The following ZFP28 variants were observed in gnomAD, a reference collection of about 807,000 sequenced individuals.
ZFP28 encodes ZFP28 zinc finger protein.
ZFP28 carries 31 observed loss-of-function variants against 39.5 expected under a neutral mutation model. That is an observed-to-expected ratio of 0.79 (90% CI 0.59 to 1.06). The LOEUF (loss-of-function observed/expected upper bound fraction) is 1.06, where lower values mean the gene tolerates loss of function less well. ZFP28 is among the 50% of genes least tolerant of loss of function. ZFP28 has a pLI of 0.00. For missense variants in ZFP28, 925 were observed against 1,048.4 expected, an observed-to-expected ratio of 0.88 and a Z score of 1.63; for synonymous variants, 400 against 378.6, an observed-to-expected ratio of 1.06 and a Z score of -0.66.
intron 7 of ZFP28, chr19:56,551,468 T>C: frequency 1.0e-6 from 1 of 985,314 alleles, no homozygotes; most frequent in Non-Finnish European, 1.2e-6. Flanking sequence ...CCACGTTGTA[T>C]ATACCATTGC....
chr19:56,551,853 T>C (rs918555803), intron 7 of ZFP28: 20 of 982,424 alleles, frequency 2.0e-5, no homozygotes, highest in Non-Finnish European at 2.4e-5. Flanking sequence ...TTCTTAACAG[T>C]CTCAGTGACT....
chr19:56,551,608 A>G (rs1005166154), intron 7 of ZFP28: 1 of 985,230 alleles, frequency 1.0e-6, no homozygotes, highest in Admixed American at 6.2e-5. Context: ...AGGCTCTGAA[A>G]GTTTTTTTGT....
chr19:56,548,010 T>G, intron 4 of ZFP28, 108 bp downstream of exon 4: 4 of 982,888 alleles, frequency 4.1e-6, no homozygotes, highest in Non-Finnish European at 4.4e-6. Flanking sequence ...TGCTTAGGAA[T>G]ATCTGTTATT....
intron 2 of ZFP28, among the ~76,000 whole-genome samples, chr19:56,542,573 T>C (rs1171520593): frequency 2.6e-5 from 4 of 152,232 alleles, no homozygotes; most frequent in Non-Finnish European, 4.4e-5. Flanking sequence ...TCAGTTTCTC[T>C]TGTCTCATTT....
chr19:56,541,980 G>A (rs1317480439), intron 2 of ZFP28, among the ~76,000 whole-genome samples: 1 of 138,398 alleles, frequency 7.2e-6, no homozygotes, highest in African/African-American at 2.7e-5. Flanking sequence ...GCCCACCTCA[G>A]CCTCCCAAAG....
At position 56,553,732 on chromosome 19, in the gene ZFP28, C is replaced by G; in HGVS notation, c.947C>G (p.Ser316Ter). 1 of 1,613,482 alleles carries G rather than the reference C, an allele frequency of 6.2e-7. No homozygotes were observed. Among genetic ancestry groups the G allele is most frequent in the African/African-American group, 1.3e-5 (1 of 75,012 alleles). Residue 316 changes from serine to a stop codon, truncating the protein, a stop_gained, in exon 8 of 8, where the codon TCA becomes TGA. Transcript: ENST00000301318. LOFTEE classifies it low-confidence loss of function (END_TRUNC). ...ETQELFPKQDSYAEGVTDRTS... is the reference protein window; with the variant it reads ...ETQELFPKQD ...CAGGAATTATTTCCAAAGCAAGATT[C>G]ATATGCTGAAGGGGTAACAGACAGA...
At chr19:56,539,358 T>C in intron 1 of ZFP28, 132 bp downstream of exon 1, 2 of 996,994 alleles carry the variant, frequency 2.0e-6, no homozygotes, top group Non-Finnish European at 2.8e-6. Flanking sequence ...GCTGGTGGAG[T>C]GGGAGAATCT....
At position 56,554,140 on chromosome 19, in the gene ZFP28, A is replaced by G. The variant is rs1209466548; in HGVS notation, c.1355A>G (p.Glu452Gly). 1.9e-6 allele frequency: 3 copies of G among 1,614,056 alleles called. No individual in the cohort carries two copies. In the African/African-American group the frequency reaches 4.0e-5, roughly 22 times the overall value. The change falls in exon 8 of 8, where the codon GAA becomes GGA. Residue 452 changes from glutamate (E) to glycine (G), a missense_variant. By Grantham distance (98) the Glu-to-Gly change is moderately conservative. This residue lies in a region of ZFP28 where 556 missense variants were observed against 542.9 expected (regional missense o/e 1.02). Transcript: ENST00000301318. This position sits in a 1 kb window ranked among gnomAD's most constrained non-coding sequence, Gnocchi z 6.7. The stretch of plus-strand genomic sequence containing the variant: ...GGAGAGAAACCTTATAAATGTAATG[A>G]ATGTGGGAAGGCCTTTAGTGACGGC... ...HTGEKPYKCNECGKAFSDGSS... is the reference protein window; with the variant it reads ...HTGEKPYKCNGCGKAFSDGSS...
At chr19:56,542,611 C>A (rs1479425366) in intron 2 of ZFP28, among the ~76,000 whole-genome samples, 4 of 152,140 alleles carry the variant, frequency 2.6e-5, no homozygotes, top group African/African-American at 4.8e-5. Flanking sequence ...GGATTTGGGG[C>A]AGTTTTGCCT....
In ZFP28 at chr19:56,554,088, C is replaced by A. The variant is rs753529801; in HGVS notation, c.1303C>A (p.Leu435Ile). The A allele has an allele frequency of 6.2e-7, 1 of 1,614,220 alleles. No individual in the cohort carries two copies. Among genetic ancestry groups the A allele is most frequent in the South Asian group, 1.1e-5 (1 of 91,082 alleles). ...CKKTFTQSSS[L>I]TVHQRIHTGE... ...GAAAACTTTTACCCAGAGCTCATCT[C>A]TTACTGTTCATCAGAGAATTCACAC... is the stretch of plus-strand genomic sequence containing the variant. The change falls in exon 8 of 8, where the codon CTT becomes ATT. Residue 435 changes from leucine to isoleucine, a missense_variant. Leu to Ile is a conservative substitution (Grantham distance 5, BLOSUM62 2). Transcript: ENST00000301318. This position sits in a 1 kb window ranked among gnomAD's most constrained non-coding sequence, Gnocchi z 6.7.
chr19:56,537,249 T>C (rs1159166147), upstream of ZFP28, among the ~76,000 whole-genome samples: 2 of 152,208 alleles, frequency 1.3e-5, no homozygotes, highest in African/African-American at 4.8e-5. Context: ...CAGTGGAATG[T>C]TGAGTTGGCC....
intron 5 of ZFP28, 23 bp from the exon 6 acceptor site, chr19:56,550,044 A>G: frequency 6.3e-7 from 1 of 1,589,056 alleles, no homozygotes; most frequent in Non-Finnish European, 8.6e-7. Flanking sequence ...TTTGATTTAA[A>G]AAACGTGCTT....
chr19:56,547,467 A>G lies in ZFP28; in HGVS notation c.301-41A>G, dbSNP rs772919784. 1 of 1,614,044 alleles carries G rather than the reference A, an allele frequency of 6.2e-7. No individual in the cohort carries two copies. The highest frequency in any genetic ancestry group is 8.5e-7 in the Non-Finnish European group (1 of 1,179,958). On this transcript the variant is annotated intron_variant, in intron 2 of 7. Transcript: ENST00000301318. This position sits in a 1 kb window ranked among gnomAD's most constrained non-coding sequence, Gnocchi z 4.6. ...AACAAACCCCCAGTCATGTGGGGGC[A>G]TGAGCACTGGTTGAGCAAGAACATG...
chr19:56,553,315 G>C (rs1019818344), intron 7 of ZFP28, among the ~76,000 whole-genome samples: 13 of 151,962 alleles, frequency 8.6e-5, no homozygotes, highest in African/African-American at 3.1e-4. Flanking sequence ...CAACCTCCTA[G>C]GCTCAAGCAA....
chr19:56,551,354 A>G (rs2044300597), intron 7 of ZFP28: 1 of 986,822 alleles, frequency 1.0e-6, no homozygotes, highest in Non-Finnish European at 1.2e-6. Flanking sequence ...CGTTATCACA[A>G]CATACACCTT....
At position 56,539,058 on chromosome 19, in the gene ZFP28, C is replaced by G; in HGVS notation, c.40C>G (p.Pro14Ala). The change falls in exon 1 of 8, where the codon CCG (proline) becomes GCG (alanine). Residue 14 changes from proline to alanine, a missense_variant. Pro to Ala is a conservative substitution (Grantham distance 27). Around this residue, in one of 2 missense-constraint regions of ZFP28, gnomAD observed 556 missense variants for 542.9 expected, o/e 1.02. Transcript: ENST00000301318. ...GAGCGCGAGTGTCCGCGAGCCGACG[C>G]CGCTCCCGGGTAGAGGCGCCCCCCG... ...AASASVREPT[P>A]LPGRGAPRTK... The G allele has an allele frequency of 1.3e-6, 2 of 1,503,132 alleles. No homozygotes were observed. Among genetic ancestry groups the G allele is most frequent in the Non-Finnish European group, 1.8e-6 (2 of 1,130,876 alleles). The allele number at this position is 1,503,132 out of a possible 1,614,324, so 93.1% of individuals were successfully genotyped here.
At position 56,554,771 on chromosome 19, in the gene ZFP28, G is replaced by A. The variant is rs1237185526; in HGVS notation, c.1986G>A (p.Gln662=). ...KAFTQKAHLA[Q]HQKTHTGEKP... Reference sequence around the variant, plus strand: ...TCACCCAGAAGGCTCACCTTGCACAGCATCAGAAAACCCATACAGGAGAGA... The same window carrying A: ...TCACCCAGAAGGCTCACCTTGCACAACATCAGAAAACCCATACAGGAGAGA... Residue 662 remains glutamine, a synonymous_variant, in exon 8 of 8, where the codon CAG becomes CAA. Coordinates refer to ENST00000301318, the MANE Select transcript of ZFP28 (RefSeq NM_020828.2). This position sits in a 1 kb window ranked among gnomAD's most constrained non-coding sequence, Gnocchi z 6.7. 1.2e-6 allele frequency: 2 copies of A among 1,614,150 alleles called. No homozygotes were observed. The highest frequency in any genetic ancestry group is 3.3e-5 in the Admixed American group (2 of 60,022).
chr19:56,539,147 C>G lies in ZFP28; in HGVS notation c.129C>G (p.Ala43=), dbSNP rs1470043018. ...CTCCAGCCACCTTGGCCCTCCCTGC[C>G]CGGGGAAGGCCGCGCTCAAGGAATG... ...VGTPATLALP[A]RGRPRSRNGL... is the part of the protein sequence containing the mutation. Residue 43 remains alanine (A), a synonymous_variant, in exon 1 of 8, where the codon GCC becomes GCG. Coordinates refer to ENST00000301318, the MANE Select transcript of ZFP28 (RefSeq NM_020828.2). 6.3e-7 allele frequency: 1 copy of G among 1,596,258 alleles called. No homozygotes were observed. The highest frequency in any genetic ancestry group is 1.7e-5 in the Admixed American group (1 of 58,952).
intron 2 of ZFP28, 109 bp downstream of exon 2, chr19:56,539,825 G>C (rs2044179381): frequency 3.1e-6 from 3 of 983,020 alleles, no homozygotes; most frequent in Non-Finnish European, 4.5e-6. Flanking sequence ...TTTGGGCGCG[G>C]GTTTCTATTT....
Sources: allele counts gnomAD v4.1 joint callset (sites outside exome capture counted in the v4.1 genomes callset), GRCh38; gene constraint gnomAD v4.1.1; regional missense constraint gnomAD v4.1.1; non-coding constraint Gnocchi (gnomAD v3.1); transcripts MANE v1.5; gene names NCBI Gene and HGNC (gene_info 2026-07-23, HGNC 2026-07-21).